MPHOSPH6: variants seen among roughly 807,000 people sequenced by gnomAD.
The protein encoded by MPHOSPH6 is M-phase phosphoprotein 6.
Under a neutral mutation model 21.8 loss-of-function variants are expected in MPHOSPH6, and 25 were observed. The observed-to-expected ratio is 1.15, with a 90% CI of 0.83 to 1.60. The LOEUF (loss-of-function observed/expected upper bound fraction) is 1.60, where lower values mean the gene tolerates loss of function less well. Among genes scored for constraint, MPHOSPH6 ranks in the 40% most tolerant of loss-of-function variants. The pLI is 0.00. For synonymous variants in MPHOSPH6, 84 were observed against 56.5 expected, an observed-to-expected ratio of 1.49 and a Z score of -2.18; for missense variants, 269 against 181.8, an observed-to-expected ratio of 1.48 and a Z score of -2.76.
chr16:82,152,296 G>A (rs964952594), intron 2 of MPHOSPH6, among the ~76,000 whole-genome samples: 5 of 152,058 alleles, frequency 3.3e-5, no homozygotes, highest in Admixed American at 3.3e-4. Context: ...TGAGATTTTG[G>A]CCCCCACCAA....
chr16:82,155,194 C>G (rs1157690850), intron 2 of MPHOSPH6, among the ~76,000 whole-genome samples: 1 of 152,120 alleles, frequency 6.6e-6, no homozygotes, highest in African/African-American at 2.4e-5. Flanking sequence ...TATCTCTGAC[C>G]ACTGATCAGG....
At chr16:82,167,444 A>T (rs1906819794) in intron 1 of MPHOSPH6, 2 of 152,090 alleles carry the variant, frequency 1.3e-5, no homozygotes, top group African/African-American at 4.8e-5. Context: ...GGGGAAGGGT[A>T]GATGGTTTAG....
intron 2 of MPHOSPH6, among the ~76,000 whole-genome samples, chr16:82,160,495 T>C (rs1302102579): frequency 1.3e-5 from 2 of 152,230 alleles, no homozygotes; most frequent in East Asian, 1.9e-4. Flanking sequence ...GATATCTGCA[T>C]AGCGAGCAGC....
At chr16:82,159,197 A>C (rs1003849391) in intron 2 of MPHOSPH6, among the ~76,000 whole-genome samples, 19 of 152,240 alleles carry the variant, frequency 1.2e-4, no homozygotes, top group African/African-American at 4.6e-4. Flanking sequence ...TTCAGAGTCT[A>C]GCTGTCTTCT....
intron 1 of MPHOSPH6, among the ~76,000 whole-genome samples, chr16:82,168,215 G>C (rs1228637360): frequency 5.3e-5 from 8 of 152,134 alleles, no homozygotes; most frequent in Admixed American, 3.3e-4. Flanking sequence ...CTTATTCCAA[G>C]AGCTAAAACA....
At chr16:82,168,298 A>G (rs1169143461) in intron 1 of MPHOSPH6, among the ~76,000 whole-genome samples, 2 of 152,164 alleles carry the variant, frequency 1.3e-5, no homozygotes, top group South Asian at 2.1e-4. Flanking sequence ...ATTACCAACC[A>G]TAAAATCAAA....
rs1040023954 is a variant in MPHOSPH6 at position 82,154,739 on chromosome 16, G to C, written c.165-3225C>G. ...CAGTCCTATATCTATCAAATAAATGGAATTCATTACTAAAAATCTTTTCAC... is the reference window on the plus strand; with the variant it reads ...CAGTCCTATATCTATCAAATAAATGCAATTCATTACTAAAAATCTTTTCAC... On this transcript the variant is annotated intron_variant, in intron 2 of 4. Transcript: ENST00000258169. Among the ~76,000 whole-genome samples, 4 of 152,116 alleles carry C rather than the reference G, an allele frequency of 2.6e-5. No individual in the cohort carries two copies. The South Asian group carries it at 8.3e-4, about 32-fold the overall frequency.
At chr16:82,158,334 C>CAA (rs1261577817) in intron 2 of MPHOSPH6, among the ~76,000 whole-genome samples, 8,810 of 129,298 alleles carry the variant, frequency 0.068, 504 homozygotes, top group African/African-American at 0.16. Flanking sequence ...TAAAAAAATA[C>CAA]AAAAAAAAAA....
rs546781127 is a variant in MPHOSPH6, at chr16:82,163,136, G to A, written c.164+946C>T. On this transcript the variant is annotated intron_variant, in intron 2 of 4. Coordinates refer to ENST00000258169, the MANE Select transcript of MPHOSPH6 (RefSeq NM_005792.2). ...GAAGGGTATCTAACCTTCAAACAAT[G>A]TCCAGAGGTCAGCCAAATGAACAGG... Among the ~76,000 whole-genome samples, 135 of 152,272 alleles carry A rather than the reference G, an allele frequency of 8.9e-4. 1 individual carries two copies. The highest frequency in any genetic ancestry group is 3.1e-3 in the African/African-American group (127 of 41,562).
At chr16:82,150,815 T>A (rs1387621439) in intron 3 of MPHOSPH6, among the ~76,000 whole-genome samples, 1 of 152,228 alleles carries the variant, frequency 6.6e-6, no homozygotes, top group East Asian at 1.9e-4. Context: ...AAGATTTATA[T>A]CTCATGTGTC....
Position 82,149,295 on chromosome 16 carries a change from C to G in MPHOSPH6, c.350+14G>C. On this transcript the variant is annotated intron_variant, in intron 4 of 4. Coordinates refer to ENST00000258169, the MANE Select transcript of MPHOSPH6 (RefSeq NM_005792.2). ...CTAGGTCCAGATTAGAAGGCTGCTG[C>G]GCAGCACGGTTACCTTCTAGCCATC... The G allele has an allele frequency of 6.2e-7, 1 of 1,609,682 alleles. No individual in the cohort carries two copies. The highest frequency in any genetic ancestry group is 2.2e-5 in the East Asian group (1 of 44,876).
intron 1 of MPHOSPH6, among the ~76,000 whole-genome samples, chr16:82,165,870 T>G (rs115551452): frequency 8.4e-6 from 1 of 119,146 alleles, no homozygotes; most frequent in African/African-American, 2.7e-5. Flanking sequence ...TCCCTGTTGT[T>G]AAATCATGTG....
At chr16:82,160,622 C>G (rs1906577972) in intron 2 of MPHOSPH6, among the ~76,000 whole-genome samples, 1 of 152,188 alleles carries the variant, frequency 6.6e-6, no homozygotes, top group African/African-American at 2.4e-5. Flanking sequence ...TCCAAGGTTC[C>G]AGTTTTCTAA....
intron 2 of MPHOSPH6, among the ~76,000 whole-genome samples, chr16:82,154,195 T>G (rs1434010495): frequency 1.3e-5 from 2 of 152,220 alleles, no homozygotes; most frequent in African/African-American, 4.8e-5. Context: ...AGGAAATGTT[T>G]GAGTTCTGCC....
At chr16:82,161,805 C>A (rs1906616134) in intron 2 of MPHOSPH6, among the ~76,000 whole-genome samples, 1 of 152,208 alleles carries the variant, frequency 6.6e-6, no homozygotes, top group African/African-American at 2.4e-5. Flanking sequence ...GATCATCATT[C>A]CCCTACATGG....
chr16:82,157,181 A>G (rs1189257759), intron 2 of MPHOSPH6, among the ~76,000 whole-genome samples: 1 of 152,232 alleles, frequency 6.6e-6, no homozygotes, highest in African/African-American at 2.4e-5. Context: ...GAATAAAATT[A>G]AAAAGATATC....
chr16:82,151,343 G>A, intron 3 of MPHOSPH6, 81 bp downstream of exon 3: 1 of 1,562,160 alleles, frequency 6.4e-7, no homozygotes, highest in Non-Finnish European at 8.7e-7. Context: ...GGTACCTGGT[G>A]GAGAAACACC....
At chr16:82,161,708 T>C (rs1233601331) in intron 2 of MPHOSPH6, among the ~76,000 whole-genome samples, 1 of 152,198 alleles carries the variant, frequency 6.6e-6, no homozygotes, top group African/African-American at 2.4e-5. Context: ...TAATGGGCAA[T>C]GTGGCTACAC....
intron 2 of MPHOSPH6, among the ~76,000 whole-genome samples, chr16:82,153,144 A>G (rs114269222): frequency 0.012 from 1,783 of 152,298 alleles, 33 homozygotes; most frequent in African/African-American, 0.04. Context: ...AAAAGAAAAA[A>G]AAGGAGCCTC....
Sources: gnomAD v4.1 joint callset for allele counts (sites outside exome capture counted in the v4.1 genomes callset) on GRCh38, gnomAD v4.1.1 for gene constraint, MANE v1.5 for transcripts, NCBI Gene and HGNC (gene_info 2026-07-23, HGNC 2026-07-21) for gene names.